Variants in CFAP141 observed in about 807,000 individuals in gnomAD.
CFAP141 encodes the protein cilia- and flagella-associated protein 141.
the CFAP141 span, chr1:154,205,579 G>C: frequency 1.2e-6 from 2 of 1,611,896 alleles, no homozygotes; most frequent in South Asian, 2.2e-5. Flanking sequence ...GGTAAAGGGA[G>C]GGGATAGAAG....
At chr1:154,203,776 T>A in the CFAP141 span, among the ~76,000 whole-genome samples, 4 of 151,288 alleles carry the variant, frequency 2.6e-5, no homozygotes, top group Admixed American at 2.6e-4. Context: ...TCTTCTTTTT[T>A]AAAAAACATG....
At chr1:154,205,663 A>C in the CFAP141 span, 1 of 1,610,850 alleles carries the variant, frequency 6.2e-7, no homozygotes, top group Admixed American at 1.7e-5. Context: ...AGTTCTGTTG[A>C]TCTGCCTCAG....
At chr1:154,203,263 C>CTT in the CFAP141 span, among the ~76,000 whole-genome samples, 1 of 64,454 alleles carries the variant, frequency 1.6e-5, no homozygotes, top group Admixed American at 2.1e-4. Context: ...GTAGTTTTTA[C>CTT]TTTTTTTTTT....
At chr1:154,201,619 C>T in the CFAP141 span, among the ~76,000 whole-genome samples, 1 of 150,884 alleles carries the variant, frequency 6.6e-6, no homozygotes, top group Non-Finnish European at 1.5e-5. Context: ...AACTCCTGAC[C>T]TCAGGTGATC....
chr1:154,201,017 A>G, the CFAP141 span, among the ~76,000 whole-genome samples: 1 of 151,454 alleles, frequency 6.6e-6, no homozygotes, highest in Non-Finnish European at 1.5e-5. Context: ...CCTCTGCCCC[A>G]CTGTTAGAAG....
the CFAP141 span, among the ~76,000 whole-genome samples, chr1:154,205,164 G>A: frequency 5.9e-5 from 9 of 152,090 alleles, no homozygotes; most frequent in Non-Finnish European, 8.8e-5. Context: ...GATTACAGGC[G>A]TGAGCCACCG....
At chr1:154,203,203 A>ACTT in the CFAP141 span, among the ~76,000 whole-genome samples, 1 of 60,428 alleles carries the variant, frequency 1.7e-5, no homozygotes, top group Non-Finnish European at 3.5e-5. Context: ...ATATATATAT[A>ACTT]TATATATATA....
chr1:154,204,079 G>T, the CFAP141 span, among the ~76,000 whole-genome samples: 2 of 150,930 alleles, frequency 1.3e-5, no homozygotes, highest in African/African-American at 4.8e-5. Flanking sequence ...CAACAAGAGC[G>T]AAACTCCATC....
the CFAP141 span, among the ~76,000 whole-genome samples, chr1:154,203,202 T>TATAC: frequency 3.5e-5 from 2 of 57,440 alleles, no homozygotes; most frequent in Non-Finnish European, 7.3e-5. Context: ...TATATATATA[T>TATAC]ATATATATAT....
chr1:154,206,234 C>T, the CFAP141 span: 1 of 1,600,128 alleles, frequency 6.2e-7, no homozygotes, highest in Non-Finnish European at 8.6e-7. Context: ...CTGGAAACTT[C>T]ATCAAACTTC....
chr1:154,205,520 T>C, the CFAP141 span: 5 of 1,293,280 alleles, frequency 3.9e-6, no homozygotes, highest in Non-Finnish European at 5.6e-6. Context: ...TGCAGCAGAG[T>C]TGGGAGGTGG....
At chr1:154,204,023 G>C in the CFAP141 span, among the ~76,000 whole-genome samples, 1 of 152,084 alleles carries the variant, frequency 6.6e-6, no homozygotes, top group East Asian at 1.9e-4. Flanking sequence ...CCCAGGAGGC[G>C]GAGGTTGCAG....
the CFAP141 span, among the ~76,000 whole-genome samples, chr1:154,202,816 A>G: frequency 1.4e-5 from 2 of 146,404 alleles, no homozygotes; most frequent in African/African-American, 5.1e-5. Context: ...AAAAAAAAAT[A>G]CATTAAGTGA....
chr1:154,200,645 C>G, the CFAP141 span: 1 of 1,561,628 alleles, frequency 6.4e-7, no homozygotes, highest in Admixed American at 1.8e-5. Flanking sequence ...GGAGTAGAGA[C>G]AAAAAACCCA....
chr1:154,200,394 A>C, the CFAP141 span: 1 of 1,563,002 alleles, frequency 6.4e-7, no homozygotes, highest in Non-Finnish European at 8.7e-7. Context: ...GAGCTTGGAA[A>C]ACTCAATGGG....
chr1:154,199,426 AT>A, the CFAP141 span: 2 of 1,600,154 alleles, frequency 1.2e-6, no homozygotes, highest in Non-Finnish European at 1.7e-6. Flanking sequence ...TTTGGATGCC[AT>A]CAGAATCTCT....
the CFAP141 span, among the ~76,000 whole-genome samples, chr1:154,201,029 C>A: frequency 6.9e-6 from 1 of 145,710 alleles, no homozygotes; most frequent in Admixed American, 6.6e-5. Context: ...TGTTAGAAGA[C>A]TGTAAAATCC....
the CFAP141 span, chr1:154,199,547 T>A: frequency 6.6e-7 from 1 of 1,518,132 alleles, no homozygotes; most frequent in Admixed American, 1.9e-5. Flanking sequence ...GAGGGCAGAA[T>A]AGAGTGTGTT....
At chr1:154,200,626 T>TTA in the CFAP141 span, 1 of 1,611,704 alleles carries the variant, frequency 6.2e-7, no homozygotes. Context: ...AATGGGTGGG[T>TTA]TAGAGTTAGG....
Sources: gnomAD v4.1 joint callset for allele counts (sites outside exome capture counted in the v4.1 genomes callset) on GRCh38, gnomAD v4.1.1 for gene constraint, MANE v1.5 for transcripts, NCBI Gene and HGNC (gene_info 2026-07-23, HGNC 2026-07-21) for gene names.